The following SLC44A5 variants were observed in gnomAD, a reference collection of about 807,000 sequenced individuals.
SLC44A5 encodes the protein choline transporter-like protein 5.
In SLC44A5, 57 loss-of-function variants were observed where a neutral mutation model predicts 101.8. The ratio of observed to expected loss-of-function variants is 0.56; its 90% CI spans 0.45 to 0.70. The LOEUF is 0.70. Among genes scored for constraint, SLC44A5 ranks in the 30% least tolerant of loss-of-function variants. SLC44A5 has a pLI of 0.00. For missense variants in SLC44A5, 737 were observed against 853.1 expected (o/e 0.86, Z 1.70); for synonymous variants, 281 against 290.9 (o/e 0.97, Z 0.35).
chr1:75,676,594 G>C, the SLC44A5 span, among the ~76,000 whole-genome samples: 34 of 152,080 alleles, frequency 2.2e-4, no homozygotes, highest in African/African-American at 8.0e-4. Context: ...ATGCATACTG[G>C]GCTTTATAAC....
At chr1:75,402,376 T>A (rs766455197) in intron 2 of SLC44A5, 1 of 334,064 alleles carries the variant, frequency 3.0e-6, no homozygotes, top group South Asian at 2.2e-5. Context: ...TTTGAAATGT[T>A]CACTACAAGA....
At chr1:75,448,977 C>T (rs913829820) in intron 2 of SLC44A5, among the ~76,000 whole-genome samples, 2 of 152,148 alleles carry the variant, frequency 1.3e-5, no homozygotes, top group African/African-American at 4.8e-5. Flanking sequence ...TCTTTCTCAA[C>T]CACAGCATGC....
At chr1:75,354,934 C>T (rs1188446871) in intron 3 of SLC44A5, among the ~76,000 whole-genome samples, 1 of 152,156 alleles carries the variant, frequency 6.6e-6, no homozygotes, top group Non-Finnish European at 1.5e-5. Flanking sequence ...GGAGGGTCCA[C>T]TACCTTCTTC....
intron 3 of SLC44A5, among the ~76,000 whole-genome samples, chr1:75,394,550 G>C (rs904177031): frequency 6.6e-6 from 1 of 152,148 alleles, no homozygotes; most frequent in African/African-American, 2.4e-5. Flanking sequence ...GGTACTATGA[G>C]CCTTGGAAAG....
chr1:75,637,478 G>A, the SLC44A5 span, among the ~76,000 whole-genome samples: 4 of 151,934 alleles, frequency 2.6e-5, no homozygotes, highest in Admixed American at 6.6e-5. Flanking sequence ...AAGAAGTAGC[G>A]TAGAGGTTAC....
At chr1:75,260,199 G>A (rs1282260560) in intron 6 of SLC44A5, among the ~76,000 whole-genome samples, 1 of 152,194 alleles carries the variant, frequency 6.6e-6, no homozygotes, top group Non-Finnish European at 1.5e-5. Flanking sequence ...AAATGTAAAT[G>A]GGCTAACTGC....
chr1:75,345,371 C>A (rs1463741856), intron 3 of SLC44A5, among the ~76,000 whole-genome samples: 1 of 151,950 alleles, frequency 6.6e-6, no homozygotes, highest in African/African-American at 2.4e-5. Flanking sequence ...TTACTTTTTG[C>A]CCCTCTAACC....
At chr1:75,284,255 T>C (rs547113887) in intron 5 of SLC44A5, among the ~76,000 whole-genome samples, 105 of 152,258 alleles carry the variant, frequency 6.9e-4, no homozygotes, top group Non-Finnish European at 1.2e-3. Context: ...TGTTTTTGTT[T>C]TGCAGTTATT....
At chr1:75,335,931 A>C (rs760320316) in intron 4 of SLC44A5, among the ~76,000 whole-genome samples, 1 of 152,098 alleles carries the variant, frequency 6.6e-6, no homozygotes, top group Non-Finnish European at 1.5e-5. Context: ...TGTGGACCAC[A>C]CATTTGGTGC....
In SLC44A5 at chr1:75,463,312, C is replaced by T. The variant is rs558665116; in HGVS notation, c.14-66691G>A. The stretch of plus-strand genomic sequence containing the variant: ...GCAGGCGCCTGTAGTCCCAGCTACT[C>T]GGGAGGCTGAGGCAGGAGAATGGCG... On this transcript the variant is annotated intron_variant, in intron 2 of 23. Transcript: ENST00000370859. Among the ~76,000 whole-genome samples, 14 of 146,936 alleles carry T rather than the reference C, an allele frequency of 9.5e-5. No individual in the cohort carries two copies. In the South Asian group the frequency reaches 2.2e-3, roughly 23 times the overall value.
chr1:75,238,330 GTTC>G (rs1648296685), intron 10 of SLC44A5, among the ~76,000 whole-genome samples, 180 bp downstream of exon 10: 1 of 143,036 alleles, frequency 7.0e-6, no homozygotes. Context: ...TCCCTTACAT[GTTC>G]TTCTTAATGA....
chr1:75,690,491 T>C, the SLC44A5 span, among the ~76,000 whole-genome samples: 1 of 152,032 alleles, frequency 6.6e-6, no homozygotes, highest in African/African-American at 2.4e-5. Flanking sequence ...ACAAGAATAA[T>C]ACAAGGTGGC....
intron 3 of SLC44A5, among the ~76,000 whole-genome samples, chr1:75,374,387 G>A (rs1484360596): frequency 6.6e-6 from 1 of 152,178 alleles, no homozygotes; most frequent in African/African-American, 2.4e-5. Context: ...CCAGGGAATT[G>A]TGGGTCTCCT....
At chr1:75,564,353 C>T (rs1557912055) in intron 1 of SLC44A5, among the ~76,000 whole-genome samples, 1 of 152,146 alleles carries the variant, frequency 6.6e-6, no homozygotes, top group Non-Finnish European at 1.5e-5. Flanking sequence ...GCATTAACAT[C>T]ACTATCAAAA....
intron 6 of SLC44A5, among the ~76,000 whole-genome samples, chr1:75,254,912 A>G (rs969094375): frequency 2.6e-5 from 4 of 152,084 alleles, no homozygotes; most frequent in African/African-American, 9.7e-5. Flanking sequence ...TAAAATTGCA[A>G]AAAAAAATCT....
At chr1:75,279,970 T>C (rs1652269786) in intron 5 of SLC44A5, among the ~76,000 whole-genome samples, 1 of 151,014 alleles carries the variant, frequency 6.6e-6, no homozygotes, top group Admixed American at 6.7e-5. Context: ...CCTCATAGCT[T>C]AGCTTCCATC....
chr1:75,672,812 G>T, the SLC44A5 span, among the ~76,000 whole-genome samples: 1 of 152,138 alleles, frequency 6.6e-6, no homozygotes, highest in African/African-American at 2.4e-5. Flanking sequence ...ACCCATTCTA[G>T]GCCCTAGCTC....
the SLC44A5 span, among the ~76,000 whole-genome samples, chr1:75,701,095 C>T: frequency 3.9e-5 from 6 of 152,186 alleles, no homozygotes; most frequent in Non-Finnish European, 8.8e-5. Flanking sequence ...GGAACTGGTA[C>T]CATTCCTTCT....
At chr1:75,386,413 C>T (rs1389606358) in intron 3 of SLC44A5, among the ~76,000 whole-genome samples, 3 of 151,996 alleles carry the variant, frequency 2.0e-5, no homozygotes, top group Non-Finnish European at 4.4e-5. Context: ...TATACACCAA[C>T]AACAGACAAA....
Sources: allele counts gnomAD v4.1 joint callset (sites outside exome capture counted in the v4.1 genomes callset), GRCh38; gene constraint gnomAD v4.1.1; transcripts MANE v1.5; gene names NCBI Gene and HGNC (gene_info 2026-07-23, HGNC 2026-07-21).